Variants in SNTA1 observed in about 807,000 individuals in gnomAD.
SNTA1 encodes the protein syntrophin alpha 1.
SNTA1 carries 31 observed loss-of-function variants against 47.1 expected under a neutral mutation model. That is an observed-to-expected ratio of 0.66 (90% CI 0.49 to 0.89). The LOEUF is 0.89. Ranked by LOEUF, SNTA1 falls within the 40% of genes least tolerant of loss-of-function variation. The pLI is 0.00. For synonymous variants in SNTA1, 300 were observed against 313.6 expected (o/e 0.96, Z 0.46); for missense variants, 575 against 693.0 (o/e 0.83, Z 1.91).
intron 2 of SNTA1, among the ~76,000 whole-genome samples, chr20:33,422,448 AAAAG>A (rs1012233413): frequency 2.7e-5 from 4 of 150,866 alleles, no homozygotes; most frequent in African/African-American, 7.3e-5. Context: ...CAAAAAAAAA[AAAAG>A]AAAAGAAAAA....
chr20:33,411,560 C>T (rs1989741358), intron 5 of SNTA1, among the ~76,000 whole-genome samples: 1 of 152,180 alleles, frequency 6.6e-6, no homozygotes, highest in African/African-American at 2.4e-5. Flanking sequence ...ATCCTGCACT[C>T]TCCGCTGCAT....
In SNTA1 at chr20:33,412,572, T is replaced by TACCTGCTGGGCCTGGG; in HGVS notation, c.909+2_909+3insCCCAGGCCCAGCAGGT. 6.2e-7 allele frequency: 1 copy of TACCTGCTGGGCCTGGG among 1,612,476 alleles called. No homozygotes were observed. Among genetic ancestry groups the TACCTGCTGGGCCTGGG allele is most frequent in the Non-Finnish European group, 8.5e-7 (1 of 1,179,494 alleles). On this transcript the variant is annotated splice_region_variant and intron_variant, in intron 4 of 7. Transcript: ENST00000217381. ...AGGGATAGGTCCCAGGCCCAGCAGG[T>TACCTGCTGGGCCTGGG]ACCTGCTCAGTTAGCCAGCCAATCT...
Position 33,408,431 on chromosome 20 carries a change from AGC to A in SNTA1, c.*74_*75del. ...TCTCCCTTCCCTCAGCCCAGGGGTGAGCAGGCAGTCGGTGGAGGCCCAGCTCA... is the reference window on the plus strand; with the variant it reads ...TCTCCCTTCCCTCAGCCCAGGGGTGAAGGCAGTCGGTGGAGGCCCAGCTCA... On this transcript the variant is annotated 3_prime_UTR_variant, in exon 8 of 8. Coordinates refer to ENST00000217381, the MANE Select transcript of SNTA1 (RefSeq NM_003098.3). The A allele has an allele frequency of 9.6e-7, 1 of 1,039,664 alleles. No individual in the cohort carries two copies. Among genetic ancestry groups the A allele is most frequent in the Non-Finnish European group, 1.5e-6 (1 of 664,790 alleles). The allele number at this position is 1,039,664 out of a possible 1,614,324, so 64.4% of individuals were successfully genotyped here.
intron 2 of SNTA1, among the ~76,000 whole-genome samples, chr20:33,427,578 C>G (rs1349074542): frequency 1.3e-5 from 2 of 152,146 alleles, no homozygotes; most frequent in Non-Finnish European, 2.9e-5. Flanking sequence ...CTCACCTTAC[C>G]ACACCCTTGA....
intron 1 of SNTA1, among the ~76,000 whole-genome samples, chr20:33,440,112 T>A (rs191628726): frequency 7.7e-4 from 114 of 147,324 alleles, no homozygotes; most frequent in Admixed American, 6.9e-3. Flanking sequence ...GCAACAAAAG[T>A]GAAACTCTGC....
intron 2 of SNTA1, among the ~76,000 whole-genome samples, chr20:33,429,708 G>C (rs968066376): frequency 6.6e-6 from 1 of 152,096 alleles, no homozygotes; most frequent in Non-Finnish European, 1.5e-5. Context: ...CGAACTCCTG[G>C]TCTCAAGGAA....
In SNTA1 at chr20:33,425,283, G is replaced by A. The variant is rs547276019; in HGVS notation, c.497-7360C>T. ...AGACCCTGTATCTATAAATAAGTAC[G>A]TAAGTAAATAAAAGAAAAAAATGTG... On this transcript the variant is annotated intron_variant, in intron 2 of 7. Coordinates refer to ENST00000217381, the MANE Select transcript of SNTA1 (RefSeq NM_003098.3). 2.0e-5 allele frequency among the ~76,000 whole-genome samples: 3 copies of A among 152,058 alleles called. No homozygotes were observed. The South Asian group carries it at 6.2e-4, about 32-fold the overall frequency.
At chr20:33,413,589 T>TG (rs2146764612) in intron 3 of SNTA1, among the ~76,000 whole-genome samples, 1 of 151,344 alleles carries the variant, frequency 6.6e-6, no homozygotes, top group East Asian at 2.0e-4. Flanking sequence ...TTCTCCTTGT[T>TG]GCACAGAACC....
chr20:33,440,299 T>C (rs1990547105), intron 1 of SNTA1, among the ~76,000 whole-genome samples: 1 of 149,516 alleles, frequency 6.7e-6, no homozygotes, highest in Non-Finnish European at 1.5e-5. Context: ...CTTCTAAAAG[T>C]ACAAACATTA....
intron 2 of SNTA1, among the ~76,000 whole-genome samples, chr20:33,424,499 C>A (rs1990115049): frequency 1.3e-5 from 2 of 150,866 alleles, no homozygotes; most frequent in South Asian, 2.1e-4. Context: ...CATAGGGAGA[C>A]CCTGTCTTGA....
chr20:33,421,393 C>T (rs1990018261), intron 2 of SNTA1, among the ~76,000 whole-genome samples: 1 of 152,030 alleles, frequency 6.6e-6, no homozygotes, highest in African/African-American at 2.4e-5. Context: ...GGGAGGATCA[C>T]CTGAGGCTGG....
At chr20:33,425,790 G>A (rs575393948) in intron 2 of SNTA1, among the ~76,000 whole-genome samples, 4 of 152,300 alleles carry the variant, frequency 2.6e-5, no homozygotes, top group Admixed American at 1.3e-4. Context: ...AAAATGGAAG[G>A]GCCGGGCACA....
chr20:33,415,700 A>G (rs902541191), intron 3 of SNTA1, among the ~76,000 whole-genome samples: 6 of 151,888 alleles, frequency 4.0e-5, no homozygotes, highest in Non-Finnish European at 8.8e-5. Context: ...CTGAGGCAGG[A>G]GAATTGCCTG....
chr20:33,419,735 A>G (rs1346753642), intron 2 of SNTA1, among the ~76,000 whole-genome samples: 2 of 152,118 alleles, frequency 1.3e-5, no homozygotes, highest in African/African-American at 4.8e-5. Context: ...TAGAGGGAGA[A>G]TCTTGATTGG....
chr20:33,408,526 C>T lies in SNTA1; in HGVS notation c.1499G>A (p.Arg500His), dbSNP rs761509610. 43 of 1,613,874 alleles carry T rather than the reference C, an allele frequency of 2.7e-5. No homozygotes were observed. Among genetic ancestry groups the T allele is most frequent in the South Asian group, 2.4e-4 (22 of 91,082 alleles). ...IHSFLSAKVTRLGLLA is the reference protein window; with the variant it reads ...IHSFLSAKVTHLGLLA ...CGACTTCTAGGCCAACAGCCCGAGG[C>T]GGGTGACTTTGGCCGACAGGAAGGA... The change falls in exon 8 of 8, where the codon CGC becomes CAC. Residue 500 changes from arginine to histidine, a missense_variant. Physicochemically the swap from Arg to His is conservative, Grantham distance 29. Coordinates refer to ENST00000217381, the MANE Select transcript of SNTA1 (RefSeq NM_003098.3).
At chr20:33,439,588 G>A (rs1313810249) in intron 1 of SNTA1, among the ~76,000 whole-genome samples, 1 of 152,230 alleles carries the variant, frequency 6.6e-6, no homozygotes, top group African/African-American at 2.4e-5. Flanking sequence ...GTTCACCAGT[G>A]TTTGTGCAAC....
At chr20:33,430,186 T>C (rs1990268041) in intron 2 of SNTA1, among the ~76,000 whole-genome samples, 1 of 152,052 alleles carries the variant, frequency 6.6e-6, no homozygotes, top group Admixed American at 6.6e-5. Flanking sequence ...TACTATATAT[T>C]GGGGCCAAGC....
chr20:33,439,038 C>G lies in SNTA1; in HGVS notation c.311-12G>C, dbSNP rs1426061600. ...GTTCTCCCGGCCGCCTGCACAGGTA[C>G]AGAAGGAGGACAAGACTTAGGCAGA... On this transcript the variant is annotated splice_polypyrimidine_tract_variant and intron_variant, in intron 1 of 7. Transcript: ENST00000217381. 6.2e-7 allele frequency: 1 copy of G among 1,613,156 alleles called. No individual in the cohort carries two copies. Among genetic ancestry groups the G allele is most frequent in the Non-Finnish European group, 8.5e-7 (1 of 1,179,142 alleles).
chr20:33,436,130 T>C (rs1600861540), intron 2 of SNTA1, among the ~76,000 whole-genome samples: 1 of 151,874 alleles, frequency 6.6e-6, no homozygotes, highest in East Asian at 1.9e-4. Context: ...GAGGCGGAGC[T>C]TGCAGTGAGC....
Sources: allele counts gnomAD v4.1 joint callset (sites outside exome capture counted in the v4.1 genomes callset), GRCh38; gene constraint gnomAD v4.1.1; transcripts MANE v1.5; gene names NCBI Gene and HGNC (gene_info 2026-07-23, HGNC 2026-07-21).